ZBTB20: variants seen among roughly 807,000 people sequenced by gnomAD.
ZBTB20 encodes zinc finger and BTB domain containing 20.
A neutral mutation model predicts 56.9 loss-of-function variants in ZBTB20; 9 were observed. That is an observed-to-expected ratio of 0.16 (90% CI 0.10 to 0.28). The LOEUF is 0.28. Ranked by LOEUF, ZBTB20 falls within the 10% of genes least tolerant of loss-of-function variation. ZBTB20 has a pLI of 1.00. For synonymous variants in ZBTB20, 417 were observed against 420.7 expected (o/e 0.99, Z 0.11); for missense variants, 655 against 1,003.0 (o/e 0.65, Z 4.69).
intron 3 of ZBTB20, among the ~76,000 whole-genome samples, chr3:114,962,622 A>G (rs970687119): frequency 6.6e-6 from 1 of 152,188 alleles, no homozygotes; most frequent in Admixed American, 6.5e-5. Context: ...ATATCCTTCA[A>G]AACATACCTT....
At chr3:114,960,417 C>A (rs1157439361) in intron 3 of ZBTB20, among the ~76,000 whole-genome samples, 2 of 152,284 alleles carry the variant, frequency 1.3e-5, no homozygotes, top group African/African-American at 4.8e-5. Flanking sequence ...ATCACGGAAT[C>A]CTAAAGAGCT....
At chr3:114,450,397 G>GA (rs1297418689) in intron 7 of ZBTB20, among the ~76,000 whole-genome samples, 2 of 152,010 alleles carry the variant, frequency 1.3e-5, no homozygotes, top group Non-Finnish European at 2.9e-5. Context: ...TCCGCTGAAG[G>GA]AAAAAAGGCT....
At chr3:115,070,303 A>G (rs2082363130) in intron 2 of ZBTB20, among the ~76,000 whole-genome samples, 1 of 152,154 alleles carries the variant, frequency 6.6e-6, no homozygotes, top group African/African-American at 2.4e-5. Context: ...CTTAAATTTC[A>G]TAAAATCAAC....
chr3:114,935,697 C>G (rs2076509617), intron 3 of ZBTB20, among the ~76,000 whole-genome samples: 1 of 152,202 alleles, frequency 6.6e-6, no homozygotes, highest in South Asian at 2.1e-4. Flanking sequence ...TCAGCTCAGT[C>G]TTTGTTCAGC....
At chr3:114,484,311 T>A (rs2041869540) in intron 7 of ZBTB20, among the ~76,000 whole-genome samples, 1 of 152,108 alleles carries the variant, frequency 6.6e-6, no homozygotes, top group Non-Finnish European at 1.5e-5. Context: ...AAAGCAAGTT[T>A]AAAAAAACAC....
At chr3:114,914,731 T>C (rs1469932892) in intron 3 of ZBTB20, among the ~76,000 whole-genome samples, 1 of 151,984 alleles carries the variant, frequency 6.6e-6, no homozygotes, top group Non-Finnish European at 1.5e-5. Flanking sequence ...TGTTGAGATA[T>C]GTTACTTCGA....
At chr3:114,986,399 T>C (rs1006202336) in intron 2 of ZBTB20, among the ~76,000 whole-genome samples, 53 of 152,278 alleles carry the variant, frequency 3.5e-4, no homozygotes, top group Non-Finnish European at 5.9e-5. Context: ...ACATTCCCCT[T>C]AACCATGCTA....
chr3:115,101,445 T>C (rs1356748836), intron 1 of ZBTB20, among the ~76,000 whole-genome samples: 1 of 152,168 alleles, frequency 6.6e-6, no homozygotes, highest in Admixed American at 6.5e-5. Context: ...TAGGTGCCCT[T>C]TCTCCTGTAA....
intron 2 of ZBTB20, among the ~76,000 whole-genome samples, chr3:115,026,810 T>C (rs2108326228): frequency 6.6e-6 from 1 of 150,770 alleles, no homozygotes; most frequent in African/African-American, 2.4e-5. Context: ...AAAGTAATTT[T>C]ATATGAAAAA....
chr3:114,945,323 T>C (rs1231591945), intron 3 of ZBTB20, among the ~76,000 whole-genome samples: 1 of 145,080 alleles, frequency 6.9e-6, no homozygotes, highest in Non-Finnish European at 1.5e-5. Flanking sequence ...CAGACAATGA[T>C]AGAGAAATGC....
intron 7 of ZBTB20, among the ~76,000 whole-genome samples, chr3:114,475,126 T>G (rs2040595063): frequency 1.3e-5 from 2 of 152,200 alleles, no homozygotes; most frequent in African/African-American, 4.8e-5. Context: ...CATTCCATGC[T>G]CAAGTTAAAC....
At chr3:114,613,925 T>C (rs2057738802) in intron 6 of ZBTB20, among the ~76,000 whole-genome samples, 3 of 152,180 alleles carry the variant, frequency 2.0e-5, no homozygotes. Flanking sequence ...TTAAATATTT[T>C]ACATTTATTA....
Position 114,806,525 on chromosome 3 carries a change from C to A in ZBTB20, c.-416-5351G>T, listed in dbSNP as rs144204471. On this transcript the variant is annotated intron_variant, in intron 4 of 11. Coordinates refer to ENST00000675478, the MANE Select transcript of ZBTB20 (RefSeq NM_001348800.3). ...TTATGATTTGCAAATCGCAATCTTGCAAATATTTTCGCCTGTCTTTGGTTT... is the reference window on the plus strand; with the variant it reads ...TTATGATTTGCAAATCGCAATCTTGAAAATATTTTCGCCTGTCTTTGGTTT... Among the ~76,000 whole-genome samples the A allele has an allele frequency of 6.6e-5, 10 of 151,994 alleles. 1 individual carries two copies. The highest frequency in any genetic ancestry group is 2.4e-4 in the African/African-American group (10 of 41,518).
At chr3:114,352,076 G>A in intron 10 of ZBTB20, 198 bp from the exon 11 acceptor site, 1 of 699,312 alleles carries the variant, frequency 1.4e-6, no homozygotes, top group East Asian at 2.8e-5. Context: ...CTTGAATTTT[G>A]CTCCAATTCC....
intron 6 of ZBTB20, among the ~76,000 whole-genome samples, chr3:114,670,285 A>G (rs964717486): frequency 6.6e-6 from 1 of 151,956 alleles, no homozygotes; most frequent in Admixed American, 6.6e-5. Flanking sequence ...TACACTTAGA[A>G]CCCCAAAAAT....
At position 114,948,846 on chromosome 3, in the gene ZBTB20, C is replaced by T. The variant is rs995929367; in HGVS notation, c.-456+25520G>A. ...AATAAAATAAGTATGAATTATAATGCATTTATAGATTAGATATCAGTATTC... is the reference window on the plus strand; with the variant it reads ...AATAAAATAAGTATGAATTATAATGTATTTATAGATTAGATATCAGTATTC... On this transcript the variant is annotated intron_variant, in intron 3 of 11. Transcript: ENST00000675478. Among the ~76,000 whole-genome samples the T allele has an allele frequency of 1.0e-4, 15 of 146,004 alleles. 1 individual carries two copies. The highest frequency in any genetic ancestry group is 7.3e-4 in the Admixed American group (11 of 15,148).
intron 5 of ZBTB20, among the ~76,000 whole-genome samples, chr3:114,713,608 AT>A (rs757626221): frequency 1.3e-5 from 2 of 152,168 alleles, no homozygotes; most frequent in Non-Finnish European, 2.9e-5. Flanking sequence ...CAGAATAGCC[AT>A]TGGAATCTGG....
chr3:114,941,231 C>A (rs1228852327), intron 3 of ZBTB20, among the ~76,000 whole-genome samples: 1 of 145,858 alleles, frequency 6.9e-6, no homozygotes, highest in Non-Finnish European at 1.5e-5. Flanking sequence ...ACAGTTTTTA[C>A]CTTGGGAAAA....
At position 114,538,919 on chromosome 3, in the gene ZBTB20, G is replaced by C. The variant is rs1344599532; in HGVS notation, c.-294-38528C>G. On this transcript the variant is annotated intron_variant, in intron 6 of 11. Coordinates refer to ENST00000675478, the MANE Select transcript of ZBTB20 (RefSeq NM_001348800.3). Reference sequence around the variant, plus strand: ...ACTTGAGCACATGCCAATGAGATTAGAACTCATCGGGGGTTGGCATTCTCA... The same window carrying C: ...ACTTGAGCACATGCCAATGAGATTACAACTCATCGGGGGTTGGCATTCTCA... 3.3e-5 allele frequency among the ~76,000 whole-genome samples: 5 copies of C among 152,282 alleles called. No individual in the cohort carries two copies. The East Asian group carries it at 9.6e-4, about 29-fold the overall frequency.
Sources: gnomAD v4.1 joint callset for allele counts (sites outside exome capture counted in the v4.1 genomes callset) on GRCh38, gnomAD v4.1.1 for gene constraint, MANE v1.5 for transcripts, NCBI Gene and HGNC (gene_info 2026-07-23, HGNC 2026-07-21) for gene names.